TMEM87B: variants seen among roughly 807,000 people sequenced by gnomAD.
TMEM87B encodes transmembrane protein 87B.
Under a neutral mutation model 80.3 loss-of-function variants are expected in TMEM87B, and 83 were observed. The observed-to-expected ratio is 1.03, with a 90% CI of 0.87 to 1.24. The LOEUF (loss-of-function observed/expected upper bound fraction) is 1.24, where lower values mean the gene tolerates loss of function less well. TMEM87B is among the 50% of genes most tolerant of loss of function. TMEM87B has a pLI of 0.00. For synonymous variants in TMEM87B, 219 were observed against 230.5 expected (o/e 0.95, Z 0.45); for missense variants, 625 against 674.4 (o/e 0.93, Z 0.81).
rs1678056957 is a variant in TMEM87B, at chr2:112,056,281, C to T, written c.165+525C>T. Among the ~76,000 whole-genome samples the T allele has an allele frequency of 2.6e-5, 4 of 151,864 alleles. No individual in the cohort carries two copies. In the South Asian group the frequency reaches 8.3e-4, roughly 32 times the overall value. On this transcript the variant is annotated intron_variant, in intron 1 of 18. Transcript: ENST00000283206. ...TGAGGGGGAAACGTGCAGTAGTCAC[C>T]CTACCTCTATTTCTCTCTTCTTGAG... is the stretch of plus-strand genomic sequence containing the variant.
intron 16 of TMEM87B, among the ~76,000 whole-genome samples, chr2:112,106,977 A>G (rs887257701): frequency 6.6e-6 from 1 of 152,218 alleles, no homozygotes; most frequent in African/African-American, 2.4e-5. Context: ...ACAGATAGCT[A>G]TCTCAGCTGA....
rs533556745 is a variant in TMEM87B at position 112,117,604 on chromosome 2, T to G, written c.*1461T>G. ...GGAAAGTGAACAGTGTTGGCAAACA[T>G]TACCGAGAAAATCATGCTTTTCAAG... is the stretch of plus-strand genomic sequence containing the variant. On this transcript the variant is annotated 3_prime_UTR_variant, in exon 19 of 19. Coordinates refer to ENST00000283206, the MANE Select transcript of TMEM87B (RefSeq NM_032824.3). 1 of 152,172 alleles carries G rather than the reference T, an allele frequency of 6.6e-6. No individual in the cohort carries two copies. The highest frequency in any genetic ancestry group is 1.9e-4 in the East Asian group (1 of 5,170). 9.4% of individuals were successfully genotyped at this position (152,172 alleles called of 1,614,324 possible). A position where few individuals can be genotyped will look rare whatever the true frequency, so the allele number is the denominator to read the frequency against.
At chr2:112,076,146 G>A (rs1382382860) in intron 5 of TMEM87B, among the ~76,000 whole-genome samples, 2 of 151,998 alleles carry the variant, frequency 1.3e-5, no homozygotes, top group East Asian at 3.9e-4. Flanking sequence ...CCAGCTACTC[G>A]GAGGCTGAGG....
chr2:112,081,500 A>G lies in TMEM87B; in HGVS notation c.820A>G (p.Ser274Gly), dbSNP rs1017903039. 1.2e-6 allele frequency: 2 copies of G among 1,610,796 alleles called. No homozygotes were observed. The highest frequency in any genetic ancestry group is 1.1e-5 in the South Asian group (1 of 90,616). ...TTTTTATAGTGAATACCAAAACATCAGCAACACTGGACTGTCAAGTAAGTT... is the reference window on the plus strand; with the variant it reads ...TTTTTATAGTGAATACCAAAACATCGGCAACACTGGACTGTCAAGTAAGTT... The part of the protein sequence containing the change: ...AVFYSEYQNI[S>G]NTGLSTQGLL... The change falls in exon 8 of 19, where the codon AGC becomes GGC. Residue 274 changes from serine to glycine, a missense_variant. Coordinates refer to ENST00000283206, the MANE Select transcript of TMEM87B (RefSeq NM_032824.3).
intron 4 of TMEM87B, 148 bp downstream of exon 4, chr2:112,067,215 A>G: frequency 9.2e-7 from 1 of 1,088,254 alleles, no homozygotes; most frequent in Non-Finnish European, 1.3e-6. Context: ...ACTGAATACA[A>G]GTATCAACTG....
chr2:112,108,312 T>C (rs957593636), intron 17 of TMEM87B, among the ~76,000 whole-genome samples: 13 of 152,214 alleles, frequency 8.5e-5, no homozygotes, highest in African/African-American at 2.4e-4. Context: ...TAGTGAAAAA[T>C]AGAATAGCCA....
At chr2:112,107,357 C>CAAAAA (rs35280651) in intron 16 of TMEM87B, among the ~76,000 whole-genome samples, 3 of 83,974 alleles carry the variant, frequency 3.6e-5, no homozygotes, top group African/African-American at 4.5e-5. Flanking sequence ...GACTCTGTCT[C>CAAAAA]AAAAAAAAAA....
chr2:112,079,785 A>G (rs560911377), intron 6 of TMEM87B, among the ~76,000 whole-genome samples: 1 of 152,310 alleles, frequency 6.6e-6, no homozygotes, highest in African/African-American at 2.4e-5. Flanking sequence ...TTTTTGATAA[A>G]AGCCATTCTG....
intron 17 of TMEM87B, among the ~76,000 whole-genome samples, chr2:112,109,652 C>A (rs1223182902): frequency 2.1e-5 from 3 of 141,198 alleles, no homozygotes; most frequent in Non-Finnish European, 1.5e-5. Context: ...TTATGATATG[C>A]CTAAGTATGG....
At chr2:112,108,534 G>T (rs781022677) in intron 17 of TMEM87B, among the ~76,000 whole-genome samples, 22 of 152,216 alleles carry the variant, frequency 1.4e-4, no homozygotes, top group Non-Finnish European at 2.6e-4. Flanking sequence ...AGAAATTTTT[G>T]TGGGAATAGA....
intron 11 of TMEM87B, chr2:112,095,377 C>G: frequency 1.0e-6 from 1 of 984,402 alleles, no homozygotes; most frequent in Non-Finnish European, 1.2e-6. Context: ...TACTTTCCTT[C>G]CATGGCAGGA....
chr2:112,095,302 A>G, intron 11 of TMEM87B: 1 of 979,404 alleles, frequency 1.0e-6, no homozygotes, highest in Non-Finnish European at 1.2e-6. Context: ...GCTGGTGGAT[A>G]TCCTTTTCCT....
rs553530795 is a variant in TMEM87B, at chr2:112,067,994, C to A, written c.450+927C>A. 2.4e-4 allele frequency among the ~76,000 whole-genome samples: 37 copies of A among 152,262 alleles called. No individual in the cohort carries two copies. The South Asian group carries it at 7.2e-3, about 30-fold the overall frequency. ...TTGGGAGGATGAGGCAGGTGGATCA[C>A]CTGAGGTCAGTAGTTCGAGACCAGC... On this transcript the variant is annotated intron_variant, in intron 4 of 18. Coordinates refer to ENST00000283206, the MANE Select transcript of TMEM87B (RefSeq NM_032824.3).
At chr2:112,109,759 C>CTTT (rs35553826) in intron 17 of TMEM87B, among the ~76,000 whole-genome samples, 11 of 84,970 alleles carry the variant, frequency 1.3e-4, no homozygotes, top group African/African-American at 4.2e-4. Flanking sequence ...CCTTCAGCTA[C>CTTT]TTTTTTTTTT....
chr2:112,061,013 G>C (rs1211052533), intron 2 of TMEM87B, among the ~76,000 whole-genome samples: 2 of 152,192 alleles, frequency 1.3e-5, no homozygotes, highest in Non-Finnish European at 2.9e-5. Context: ...GAAATGTCAT[G>C]ATTGTGATAA....
chr2:112,063,226 T>A (rs554906667), intron 2 of TMEM87B, among the ~76,000 whole-genome samples: 6 of 152,338 alleles, frequency 3.9e-5, no homozygotes, highest in South Asian at 2.1e-4. Flanking sequence ...CTTCTGAGGC[T>A]AAGTTATAAA....
At chr2:112,079,371 T>A (rs1445517777) in intron 6 of TMEM87B, among the ~76,000 whole-genome samples, 1 of 152,350 alleles carries the variant, frequency 6.6e-6, no homozygotes, top group Non-Finnish European at 1.5e-5. Flanking sequence ...AGTATTTGTC[T>A]TTCTGTGCTT....
chr2:112,077,351 AG>A, intron 6 of TMEM87B, 69 bp downstream of exon 6: 1 of 732,998 alleles, frequency 1.4e-6, no homozygotes, highest in Non-Finnish European at 2.2e-6. Flanking sequence ...CACTGACCTG[AG>A]TCAACATTCT....
chr2:112,065,667 G>GTTCACC (rs1678407842), intron 3 of TMEM87B, among the ~76,000 whole-genome samples: 2 of 132,862 alleles, frequency 1.5e-5, no homozygotes, highest in South Asian at 2.4e-4. Context: ...AAAAAAAAAA[G>GTTCACC]TTCACCAGTG....
Sources: gnomAD v4.1 joint callset for allele counts (sites outside exome capture counted in the v4.1 genomes callset) on GRCh38, gnomAD v4.1.1 for gene constraint, MANE v1.5 for transcripts, NCBI Gene and HGNC (gene_info 2026-07-23, HGNC 2026-07-21) for gene names.